Variants in LTN1 observed in about 807,000 individuals in gnomAD.
LTN1 encodes the protein E3 ubiquitin-protein ligase listerin.
A neutral mutation model predicts 201.2 loss-of-function variants in LTN1; 88 were observed. The observed-to-expected ratio is 0.44, with a 90% CI of 0.37 to 0.52. The LOEUF is 0.52. Ranked by LOEUF, LTN1 falls within the 20% of genes least tolerant of loss-of-function variation. The pLI is 0.00. For synonymous variants in LTN1, 645 were observed against 713.5 expected (o/e 0.90, Z 1.53); for missense variants, 1,752 against 2,038.7 (o/e 0.86, Z 2.71).
At chr21:28,985,745 C>T (rs547144342) in intron 3 of LTN1, among the ~76,000 whole-genome samples, 2 of 151,664 alleles carry the variant, frequency 1.3e-5, no homozygotes, top group African/African-American at 2.4e-5. Flanking sequence ...CTGCAACCTC[C>T]GCCCCACCGG....
At chr21:28,948,025 T>C (rs1023034519) in intron 18 of LTN1, among the ~76,000 whole-genome samples, 9 of 151,280 alleles carry the variant, frequency 5.9e-5, no homozygotes, top group African/African-American at 1.7e-4. Flanking sequence ...ACCCCATCTC[T>C]ACTAAATATA....
At chr21:28,944,076 C>T (rs1436799445) in intron 22 of LTN1, among the ~76,000 whole-genome samples, 172 bp from the exon 23 acceptor site, 1 of 152,154 alleles carries the variant, frequency 6.6e-6, no homozygotes, top group African/African-American at 2.4e-5. Context: ...TTAATCTCAA[C>T]TGTTTTAATG....
intron 1 of LTN1, among the ~76,000 whole-genome samples, chr21:28,991,782 A>C (rs2084748550): frequency 6.6e-6 from 1 of 152,244 alleles, no homozygotes; most frequent in Non-Finnish European, 1.5e-5. Context: ...TGACAGATCT[A>C]AGAAAATGTG....
Position 28,932,592 on chromosome 21 carries a change from T to C in LTN1, c.4948A>G (p.Ile1650Val), listed in dbSNP as rs2084219815. The C allele has an allele frequency of 6.2e-7, 1 of 1,613,554 alleles. No individual in the cohort carries two copies. Among genetic ancestry groups the C allele is most frequent in the African/African-American group, 1.3e-5 (1 of 74,930 alleles). ...AGTGGATAATTTGAAGGCAGTTGTA[T>C]TATAAGTTCAATAACTATGTCCTCA... ...TIEDIVIELI[I>V]QLPSNYPLGS... The change falls in exon 28 of 30, where the codon ATA becomes GTA. Residue 1650 changes from isoleucine to valine, a missense_variant. By Grantham distance (29) the Ile-to-Val change is conservative. Coordinates refer to ENST00000361371, the MANE Select transcript of LTN1 (RefSeq NM_015565.3).
Position 28,966,422 on chromosome 21 carries a change from C to T in LTN1, c.2069G>A (p.Arg690Gln), listed in dbSNP as rs372109804. Residue 690 changes from arginine to glutamine, a missense_variant, in exon 10 of 30, where the codon CGG becomes CAG. This residue lies in a region of LTN1 where 1,211 missense variants were observed against 1,312.8 expected (regional missense o/e 0.92). Transcript: ENST00000361371. Reference sequence around the variant, plus strand: ...TCTTTCCATATCATTGTCACAGCACCGGAGAGCACTGTACAAAATGTCCAC... The same window carrying T: ...TCTTTCCATATCATTGTCACAGCACTGGAGAGCACTGTACAAAATGTCCAC... The part of the protein sequence containing the change: ...FLVDILYSAL[R>Q]CCDNDMERKK... 63 of 1,613,614 alleles carry T rather than the reference C, an allele frequency of 3.9e-5. No homozygotes were observed. Among genetic ancestry groups the T allele is most frequent in the East Asian group, 6.7e-5 (3 of 44,882 alleles).
At chr21:28,943,380 TTTA>T in intron 23 of LTN1, 44 bp from the exon 24 acceptor site, 2 of 1,193,070 alleles carry the variant, frequency 1.7e-6, no homozygotes, top group Non-Finnish European at 2.5e-6. Flanking sequence ...TATTAAACTG[TTTA>T]TTAAGTCGTG....
intron 6 of LTN1, among the ~76,000 whole-genome samples, chr21:28,972,673 G>A (rs563172970): frequency 1.8e-4 from 28 of 152,288 alleles, no homozygotes; most frequent in Non-Finnish European, 3.8e-4. Flanking sequence ...AAACGTAACA[G>A]ACATAGGGGA....
intron 6 of LTN1, among the ~76,000 whole-genome samples, chr21:28,972,838 A>G (rs1369678019): frequency 6.6e-6 from 1 of 152,228 alleles, no homozygotes; most frequent in African/African-American, 2.4e-5. Context: ...AGCAGGATAC[A>G]TAAAGGAAAT....
chr21:28,987,953 C>T (rs561551434), intron 1 of LTN1, among the ~76,000 whole-genome samples: 11 of 151,824 alleles, frequency 7.2e-5, no homozygotes, highest in Admixed American at 2.0e-4. Flanking sequence ...ACCAGCCTGG[C>T]CAACATGGTG....
intron 1 of LTN1, among the ~76,000 whole-genome samples, chr21:28,989,918 A>T (rs2084731906): frequency 6.6e-6 from 1 of 151,946 alleles, no homozygotes; most frequent in Admixed American, 6.6e-5. Flanking sequence ...CGAGAGGCTG[A>T]GGCAACAAAA....
chr21:28,953,773 T>C (rs554250953), intron 16 of LTN1, among the ~76,000 whole-genome samples: 24 of 152,264 alleles, frequency 1.6e-4, no homozygotes, highest in African/African-American at 5.5e-4. Flanking sequence ...GACAGTATGA[T>C]ACAGTAAAAG....
rs763901982 is a variant in LTN1 at position 28,958,366 on chromosome 21, C to T, written c.2747+20G>A. On this transcript the variant is annotated intron_variant, in intron 14 of 29. Transcript: ENST00000361371. Reference sequence around the variant, plus strand: ...TTCAAGTATAAAAGAGACACTGAAACCAAGCTCAAAAAAGGTTACCTGTTG... The same window carrying T: ...TTCAAGTATAAAAGAGACACTGAAATCAAGCTCAAAAAAGGTTACCTGTTG... 3.5e-5 allele frequency: 55 copies of T among 1,592,422 alleles called. No individual in the cohort carries two copies. Among genetic ancestry groups the T allele is most frequent in the Admixed American group, 1.5e-4 (8 of 53,076 alleles).
At position 28,987,934 on chromosome 21, in the gene LTN1, G is replaced by T. The variant is rs576088187; in HGVS notation, c.43-1000C>A. Among the ~76,000 whole-genome samples, 4 of 151,592 alleles carry T rather than the reference G, an allele frequency of 2.6e-5. No homozygotes were observed. In the South Asian group the frequency reaches 8.3e-4, roughly 32 times the overall value. On this transcript the variant is annotated intron_variant, in intron 1 of 29. Transcript: ENST00000361371. ...CAAGGCGGGCAGATCACGAGGTCAG[G>T]AGTTCGAGACCAGCCTGGCCAACAT...
chr21:28,980,628 G>A (rs2084651341), intron 6 of LTN1, among the ~76,000 whole-genome samples: 1 of 150,784 alleles, frequency 6.6e-6, no homozygotes, highest in South Asian at 2.1e-4. Context: ...CAAAAATGCT[G>A]TGAATAGCTC....
intron 13 of LTN1, 123 bp downstream of exon 13, chr21:28,959,335 A>C: frequency 5.1e-6 from 6 of 1,173,026 alleles, no homozygotes; most frequent in Non-Finnish European, 7.2e-6. Context: ...GTAGCCCTTT[A>C]CTCAAAATGC....
intron 11 of LTN1, among the ~76,000 whole-genome samples, chr21:28,965,420 C>CAT (rs1568848452): frequency 6.6e-6 from 1 of 152,108 alleles, no homozygotes; most frequent in Admixed American, 6.5e-5. Context: ...GGCAATCACA[C>CAT]AAAGACTGGA....
intron 25 of LTN1, among the ~76,000 whole-genome samples, chr21:28,938,756 A>G (rs2084275502): frequency 6.6e-6 from 1 of 152,254 alleles, no homozygotes; most frequent in South Asian, 2.1e-4. Flanking sequence ...AAATAAATGC[A>G]ATACTTATGA....
At chr21:28,955,704 C>T (rs2146284233) in intron 16 of LTN1, among the ~76,000 whole-genome samples, 1 of 152,004 alleles carries the variant, frequency 6.6e-6, no homozygotes, top group Admixed American at 6.6e-5. Context: ...ACGGGCGGAT[C>T]ACGAGGTCAG....
At position 28,945,797 on chromosome 21, in the gene LTN1, G is replaced by T; in HGVS notation, c.3768+10C>A. 1 of 1,611,054 alleles carries T rather than the reference G, an allele frequency of 6.2e-7. No individual in the cohort carries two copies. Among genetic ancestry groups the T allele is most frequent in the Non-Finnish European group, 8.5e-7 (1 of 1,178,398 alleles). On this transcript the variant is annotated intron_variant, in intron 21 of 29. Transcript: ENST00000361371. ...CCCACAAGAGGTGATGACATATCGG[G>T]TTAATTTACCTCCAACCAAGCCAAC...
Sources: allele counts gnomAD v4.1 joint callset (sites outside exome capture counted in the v4.1 genomes callset), GRCh38; gene constraint gnomAD v4.1.1; regional missense constraint gnomAD v4.1.1; transcripts MANE v1.5; gene names NCBI Gene and HGNC (gene_info 2026-07-23, HGNC 2026-07-21).